Variants in DOCK3 observed in about 807,000 individuals in gnomAD.
The protein encoded by DOCK3 is dedicator of cytokinesis protein 3.
In DOCK3, 60 loss-of-function variants were observed where a neutral mutation model predicts 265.6. The ratio of observed to expected loss-of-function variants is 0.23; its 90% CI spans 0.18 to 0.28. The LOEUF (loss-of-function observed/expected upper bound fraction) is 0.28. DOCK3 is among the 10% of genes least tolerant of loss of function. The probability of loss-of-function intolerance (pLI) is 1.00; values close to 1 mark genes in which losing one functional copy is unlikely to be tolerated. For synonymous variants in DOCK3, 881 were observed against 938.0 expected (o/e 0.94, Z 1.11); for missense variants, 1,981 against 2,594.3 (o/e 0.76, Z 5.14).
chr3:51,132,960 G>A (rs2084626456), intron 9 of DOCK3, among the ~76,000 whole-genome samples: 2 of 152,012 alleles, frequency 1.3e-5, no homozygotes, highest in Admixed American at 1.3e-4. Context: ...GGAGATACAT[G>A]CTGTGCTGCC....
At chr3:51,010,814 G>A (rs193147034) in intron 5 of DOCK3, among the ~76,000 whole-genome samples, 24 of 152,216 alleles carry the variant, frequency 1.6e-4, no homozygotes, top group Admixed American at 1.4e-3. Context: ...GGGCAGGCTT[G>A]GTGGTGACAA....
intron 1 of DOCK3, among the ~76,000 whole-genome samples, chr3:50,720,836 C>T (rs1464415492): frequency 1.3e-5 from 2 of 152,136 alleles, no homozygotes; most frequent in Non-Finnish European, 2.9e-5. Context: ...TAAGCGTTCC[C>T]TTTTCTCTGT....
intron 41 of DOCK3, among the ~76,000 whole-genome samples, chr3:51,355,377 G>A (rs1239772478): frequency 1.3e-5 from 2 of 152,120 alleles, no homozygotes; most frequent in African/African-American, 4.8e-5. Flanking sequence ...GTCCTATCAG[G>A]GCTCTTGTCA....
At chr3:51,328,780 T>C (rs1418176086) in intron 32 of DOCK3, among the ~76,000 whole-genome samples, 1 of 152,200 alleles carries the variant, frequency 6.6e-6, no homozygotes, top group East Asian at 1.9e-4. Context: ...CTGTTTATAG[T>C]ACATTATTTC....
At chr3:51,118,604 T>C (rs2083863878) in intron 9 of DOCK3, among the ~76,000 whole-genome samples, 1 of 152,220 alleles carries the variant, frequency 6.6e-6, no homozygotes, top group African/African-American at 2.4e-5. Context: ...AGTCTCTTTG[T>C]AGATCCCTAA....
At chr3:51,208,651 G>A in intron 12 of DOCK3, 123 bp from the exon 13 acceptor site, 1 of 750,510 alleles carries the variant, frequency 1.3e-6, no homozygotes, top group South Asian at 2.1e-5. Context: ...TAGTAAAACA[G>A]AACATCATTT....
Position 51,311,989 on chromosome 3 carries a change from GTTTCCT to G in DOCK3, c.3018-13_3018-8del. 6.4e-7 allele frequency: 1 copy of G among 1,570,704 alleles called. No homozygotes were observed. The highest frequency in any genetic ancestry group is 8.7e-7 in the Non-Finnish European group (1 of 1,153,052). On this transcript the variant is annotated splice_polypyrimidine_tract_variant and intron_variant, in intron 28 of 52. Transcript: ENST00000266037. ...AGTCTTTTAATTCTGCCAATGCCTT[GTTTCCT>G]TACTGCAGTATTATAGTCACTACTG...
chr3:51,319,959 C>T (rs2083591913), intron 32 of DOCK3, among the ~76,000 whole-genome samples: 1 of 152,044 alleles, frequency 6.6e-6, no homozygotes. Context: ...GGAGAGGAGG[C>T]AGTTTATGTC....
chr3:50,696,286 G>A (rs1035804402), intron 1 of DOCK3, among the ~76,000 whole-genome samples: 3 of 152,160 alleles, frequency 2.0e-5, no homozygotes, highest in African/African-American at 7.2e-5. Flanking sequence ...TTATTGAAGG[G>A]GTCCGATTGA....
At chr3:51,357,566 C>T (rs780937003) in intron 44 of DOCK3, among the ~76,000 whole-genome samples, 192 bp from the exon 45 acceptor site, 3 of 152,188 alleles carry the variant, frequency 2.0e-5, no homozygotes, top group East Asian at 1.9e-4. Flanking sequence ...GGCTTGGCCA[C>T]GTTCAGTCCT....
chr3:50,819,041 G>C (rs542377172), intron 2 of DOCK3, among the ~76,000 whole-genome samples: 2 of 152,060 alleles, frequency 1.3e-5, no homozygotes, highest in African/African-American at 4.8e-5. Flanking sequence ...AAAATGCTTT[G>C]TGCTGGAAGA....
At position 50,765,904 on chromosome 3, in the gene DOCK3, C is replaced by T. The variant is rs952319033; in HGVS notation, c.38-12771C>T. ...CAACTTTGTTTGACCAAACCTCTAA[C>T]CATTCCCCATCCCTTAACCACCCCC... On this transcript the variant is annotated intron_variant, in intron 1 of 52. Coordinates refer to ENST00000266037, the MANE Select transcript of DOCK3 (RefSeq NM_004947.5). Among the ~76,000 whole-genome samples the T allele has an allele frequency of 5.3e-5, 8 of 152,304 alleles. No individual in the cohort carries two copies. In the South Asian group the frequency reaches 1.4e-3, roughly 28 times the overall value.
intron 7 of DOCK3, among the ~76,000 whole-genome samples, chr3:51,084,723 C>A (rs1036035741): frequency 7.9e-5 from 12 of 152,056 alleles, no homozygotes; most frequent in African/African-American, 2.9e-4. Context: ...CATAAAAAAA[C>A]CACCAAATCT....
chr3:51,252,398 C>T (rs1383807908), intron 22 of DOCK3, among the ~76,000 whole-genome samples: 1 of 152,096 alleles, frequency 6.6e-6, no homozygotes, highest in African/African-American at 2.4e-5. Flanking sequence ...ATTCTGTGAA[C>T]AAAGTCATTG....
At chr3:50,906,162 T>C (rs961846718) in intron 4 of DOCK3, among the ~76,000 whole-genome samples, 5 of 152,124 alleles carry the variant, frequency 3.3e-5, no homozygotes, top group African/African-American at 4.8e-5. Context: ...GGATTCGGTT[T>C]GCCAGTATTT....
At chr3:51,325,111 T>C (rs1002756708) in intron 32 of DOCK3, among the ~76,000 whole-genome samples, 2 of 151,990 alleles carry the variant, frequency 1.3e-5, no homozygotes, top group Non-Finnish European at 2.9e-5. Flanking sequence ...CAAAAGAAAC[T>C]ATCATCAGAG....
rs543679456 is a variant in DOCK3, at chr3:50,931,092, C to T, written c.219-2889C>T. Reference sequence around the variant, plus strand: ...GGGAGACTCACCACTGCTCCTGCAGCCACTCCTGCTGCCACCGCCCATGCC... The same window carrying T: ...GGGAGACTCACCACTGCTCCTGCAGTCACTCCTGCTGCCACCGCCCATGCC... On this transcript the variant is annotated intron_variant, in intron 4 of 52. Coordinates refer to ENST00000266037, the MANE Select transcript of DOCK3 (RefSeq NM_004947.5). 7.2e-5 allele frequency among the ~76,000 whole-genome samples: 11 copies of T among 152,294 alleles called. No homozygotes were observed. In the East Asian group the frequency reaches 1.9e-3, roughly 27 times the overall value.
chr3:51,159,966 C>G (rs2086052455), intron 11 of DOCK3, among the ~76,000 whole-genome samples: 1 of 152,288 alleles, frequency 6.6e-6, no homozygotes, highest in East Asian at 1.9e-4. Flanking sequence ...AACAAAACAG[C>G]TATTTGCTGT....
intron 5 of DOCK3, among the ~76,000 whole-genome samples, chr3:51,041,351 G>C (rs192877213): frequency 0.015 from 2,285 of 149,578 alleles, 52 homozygotes; most frequent in African/African-American, 0.052. Context: ...CCAAGTAGCT[G>C]GGACTACAGG....
Sources: allele counts gnomAD v4.1 joint callset (sites outside exome capture counted in the v4.1 genomes callset), GRCh38; gene constraint gnomAD v4.1.1; transcripts MANE v1.5; gene names NCBI Gene and HGNC (gene_info 2026-07-23, HGNC 2026-07-21).